The following RPSA2 variants were observed in gnomAD, a reference collection of about 807,000 sequenced individuals.
The protein encoded by RPSA2 is small ribosomal subunit protein uS2B.
At chr19:23,792,543 T>G in the RPSA2 span, among the ~76,000 whole-genome samples, 1 of 150,996 alleles carries the variant, frequency 6.6e-6, no homozygotes, top group Non-Finnish European at 1.5e-5. Flanking sequence ...TTCGAAGGAG[T>G]ATTGCAACAG....
the RPSA2 span, among the ~76,000 whole-genome samples, chr19:23,810,408 AAAAAAAAAAAAAGGG>A: frequency 1.7e-4 from 1 of 5,830 alleles, no homozygotes; most frequent in South Asian, 0.17. Context: ...AAAAAAAAAA[AAAAAAAAAAAAAGGG>A]AAAAGGGCTT....
the RPSA2 span, among the ~76,000 whole-genome samples, chr19:23,815,549 C>T: frequency 6.6e-6 from 1 of 152,166 alleles, no homozygotes; most frequent in South Asian, 2.1e-4. Flanking sequence ...GAGACACTCA[C>T]CAGAAGCAGA....
At chr19:23,832,932 T>C in the RPSA2 span, 2 of 1,520,052 alleles carry the variant, frequency 1.3e-6, no homozygotes, top group Non-Finnish European at 1.8e-6. Flanking sequence ...CTTCAAGCTT[T>C]ACTAAACATA....
chr19:23,833,050 C>T, the RPSA2 span: 12 of 1,355,720 alleles, frequency 8.9e-6, no homozygotes, highest in Middle Eastern at 6.2e-4. Flanking sequence ...TGGAAAGAAA[C>T]CCTACAAGTG....
At chr19:23,804,718 T>C in the RPSA2 span, among the ~76,000 whole-genome samples, 4 of 152,128 alleles carry the variant, frequency 2.6e-5, no homozygotes, top group African/African-American at 9.7e-5. Context: ...TCGTATTACA[T>C]AGAGTGGGGC....
chr19:23,800,648 T>C, the RPSA2 span, among the ~76,000 whole-genome samples: 2 of 151,610 alleles, frequency 1.3e-5, no homozygotes, highest in African/African-American at 4.8e-5. Flanking sequence ...AATTTCACTC[T>C]TGTTGCCCAG....
chr19:23,811,341 G>A, the RPSA2 span, among the ~76,000 whole-genome samples: 14 of 151,996 alleles, frequency 9.2e-5, no homozygotes, highest in Admixed American at 6.6e-5. Context: ...TTGAGATGGG[G>A]TCTTGTTACA....
At chr19:23,816,033 T>C in the RPSA2 span, among the ~76,000 whole-genome samples, 1 of 151,994 alleles carries the variant, frequency 6.6e-6, no homozygotes, top group Non-Finnish European at 1.5e-5. Flanking sequence ...CCTATTTGAC[T>C]TAGTGCTGAA....
At chr19:23,762,439 G>A in the RPSA2 span, among the ~76,000 whole-genome samples, 1 of 151,844 alleles carries the variant, frequency 6.6e-6, no homozygotes, top group Non-Finnish European at 1.5e-5. Flanking sequence ...ACTTTGGGAG[G>A]CTGAGGCGGG....
chr19:23,862,292 T>A, the RPSA2 span, among the ~76,000 whole-genome samples: 7 of 151,626 alleles, frequency 4.6e-5, no homozygotes, highest in African/African-American at 1.7e-4. Context: ...GACAATGGGG[T>A]TTTCTAGATA....
the RPSA2 span, among the ~76,000 whole-genome samples, chr19:23,780,446 A>G: frequency 1.3e-5 from 2 of 152,100 alleles, no homozygotes; most frequent in African/African-American, 4.8e-5. Context: ...GATCGAGACC[A>G]TCCTGGCTAA....
the RPSA2 span, among the ~76,000 whole-genome samples, chr19:23,861,861 C>T: frequency 6.6e-6 from 1 of 152,140 alleles, no homozygotes; most frequent in Admixed American, 6.5e-5. Context: ...CATCTTTTCC[C>T]TTGATGTGCC....
chr19:23,839,090 G>T, the RPSA2 span, among the ~76,000 whole-genome samples: 14 of 151,978 alleles, frequency 9.2e-5, no homozygotes, highest in Admixed American at 2.6e-4. Context: ...GAACTTTCCT[G>T]TTAGTACCAC....
At chr19:23,855,838 G>C in the RPSA2 span, among the ~76,000 whole-genome samples, 1 of 152,146 alleles carries the variant, frequency 6.6e-6, no homozygotes, top group Non-Finnish European at 1.5e-5. Context: ...GTCTGCAGAA[G>C]TACAGGTGAA....
the RPSA2 span, among the ~76,000 whole-genome samples, chr19:23,812,559 C>T: frequency 6.6e-6 from 1 of 151,930 alleles, no homozygotes; most frequent in East Asian, 1.9e-4. Context: ...CCAGGCCTGG[C>T]AAATTTTGTA....
the RPSA2 span, among the ~76,000 whole-genome samples, chr19:23,762,129 G>T: frequency 6.7e-6 from 1 of 150,322 alleles, no homozygotes; most frequent in Non-Finnish European, 1.5e-5. Context: ...TGTTGGTCAG[G>T]CTGGTCTCGA....
chr19:23,858,879 C>A, the RPSA2 span, among the ~76,000 whole-genome samples: 1 of 152,200 alleles, frequency 6.6e-6, no homozygotes, highest in Non-Finnish European at 1.5e-5. Flanking sequence ...TCCAACCAAT[C>A]TTTGAGCCCT....
At chr19:23,844,604 G>A in the RPSA2 span, among the ~76,000 whole-genome samples, 144 of 152,024 alleles carry the variant, frequency 9.5e-4, no homozygotes, top group African/African-American at 3.4e-3. Context: ...CACATAGTTT[G>A]CAAATATGTT....
the RPSA2 span, among the ~76,000 whole-genome samples, chr19:23,796,994 C>G: frequency 6.6e-6 from 1 of 151,562 alleles, no homozygotes; most frequent in African/African-American, 2.4e-5. Flanking sequence ...GTCAGGTTGT[C>G]AAATGAAGAT....
Sources: gnomAD v4.1 joint callset for allele counts (sites outside exome capture counted in the v4.1 genomes callset) on GRCh38, gnomAD v4.1.1 for gene constraint, MANE v1.5 for transcripts, NCBI Gene and HGNC (gene_info 2026-07-23, HGNC 2026-07-21) for gene names.